The following DIP2C variants were observed in gnomAD, a reference collection of about 807,000 sequenced individuals.
The protein encoded by DIP2C is disco-interacting protein 2 homolog C.
A neutral mutation model predicts 192.4 loss-of-function variants in DIP2C; 33 were observed. The ratio of observed to expected loss-of-function variants is 0.17; its 90% CI spans 0.13 to 0.23. DIP2C has a LOEUF of 0.23. DIP2C is among the 10% of genes least tolerant of loss of function. The pLI is 1.00. For missense variants in DIP2C, 1,537 were observed against 2,110.1 expected (o/e 0.73, Z 5.32); for synonymous variants, 979 against 864.1 (o/e 1.13, Z -2.33).
At chr10:304,373 G>A (rs1956206246) in intron 32 of DIP2C, among the ~76,000 whole-genome samples, 1 of 152,128 alleles carries the variant, frequency 6.6e-6, no homozygotes, top group Admixed American at 6.5e-5. Context: ...GTCTGTCATT[G>A]ACAGAAACAG....
chr10:559,332 C>T (rs1183226214), intron 1 of DIP2C, among the ~76,000 whole-genome samples: 2 of 137,242 alleles, frequency 1.5e-5, no homozygotes, highest in African/African-American at 5.1e-5. Flanking sequence ...TGGGGAACGC[C>T]GGGGGAACGC....
chr10:326,739 G>T (rs564568018), intron 31 of DIP2C, among the ~76,000 whole-genome samples: 3 of 152,172 alleles, frequency 2.0e-5, no homozygotes, highest in African/African-American at 7.2e-5. Context: ...AACAGCAGAG[G>T]TCTGGACAAA....
chr10:303,781 C>T (rs1474778697), intron 32 of DIP2C, among the ~76,000 whole-genome samples: 2 of 152,200 alleles, frequency 1.3e-5, no homozygotes, highest in African/African-American at 4.8e-5. Context: ...CCTCAGCCTC[C>T]CAAAGTGCTG....
At chr10:598,468 G>A (rs1259193141) in intron 1 of DIP2C, among the ~76,000 whole-genome samples, 1 of 152,230 alleles carries the variant, frequency 6.6e-6, no homozygotes, top group Admixed American at 6.5e-5. Flanking sequence ...CATTTCCTGT[G>A]GGAAAGTCAG....
At chr10:415,656 A>C (rs1043501954) in intron 7 of DIP2C, 113 bp downstream of exon 7, 3 of 1,452,032 alleles carry the variant, frequency 2.1e-6, no homozygotes, top group African/African-American at 1.4e-5. Flanking sequence ...ATCATGCGGC[A>C]AATGCCACGA....
chr10:673,922 G>A (rs955626570), intron 1 of DIP2C, among the ~76,000 whole-genome samples: 4 of 152,220 alleles, frequency 2.6e-5, no homozygotes, highest in African/African-American at 9.7e-5. Context: ...ACCCATTACA[G>A]ATCATTGCTG....
intron 31 of DIP2C, chr10:324,640 T>A (rs1281854109): frequency 1.9e-5 from 4 of 215,134 alleles, no homozygotes; most frequent in Non-Finnish European, 3.8e-5. Context: ...GACCCATGAT[T>A]AGAATACTGA....
intron 3 of DIP2C, among the ~76,000 whole-genome samples, chr10:456,740 T>C (rs1223776897): frequency 6.6e-6 from 1 of 152,198 alleles, no homozygotes; most frequent in Non-Finnish European, 1.5e-5. Flanking sequence ...TTGTCTCCAC[T>C]ACATAGGGCC....
At chr10:470,428 G>A (rs1028858059) in intron 3 of DIP2C, among the ~76,000 whole-genome samples, 5 of 152,282 alleles carry the variant, frequency 3.3e-5, no homozygotes, top group African/African-American at 4.8e-5. Context: ...CCTCTGCCAT[G>A]TGCCTCTCTC....
intron 1 of DIP2C, among the ~76,000 whole-genome samples, chr10:678,776 T>C (rs1206419924): frequency 4.1e-4 from 17 of 40,996 alleles, no homozygotes; most frequent in Non-Finnish European, 5.8e-4. Flanking sequence ...TCCCCGCACC[T>C]GTCCTCCCTG....
intron 1 of DIP2C, among the ~76,000 whole-genome samples, chr10:640,735 G>GC (rs2131939008): frequency 1.7e-3 from 4 of 2,324 alleles, no homozygotes; most frequent in Admixed American, 0.016. Context: ...GGAAGAGGGT[G>GC]GGCGCCGGGA....
At chr10:565,755 G>T (rs1051843797) in intron 1 of DIP2C, among the ~76,000 whole-genome samples, 1 of 152,202 alleles carries the variant, frequency 6.6e-6, no homozygotes, top group African/African-American at 2.4e-5. Context: ...TTACAGTCGC[G>T]TAACGGAGTC....
chr10:284,883 A>G (rs1442105943), intron 34 of DIP2C, among the ~76,000 whole-genome samples: 1 of 152,210 alleles, frequency 6.6e-6, no homozygotes, highest in Non-Finnish European at 1.5e-5. Flanking sequence ...ATAAAGCGGA[A>G]AAAACACACA....
chr10:351,005 G>A (rs577637582), intron 24 of DIP2C, among the ~76,000 whole-genome samples: 64 of 151,620 alleles, frequency 4.2e-4, no homozygotes, highest in Non-Finnish European at 7.9e-4. Flanking sequence ...GGGATGGAGC[G>A]CGCGGCGGGC....
intron 9 of DIP2C, among the ~76,000 whole-genome samples, chr10:400,374 C>T (rs1372918145): frequency 2.6e-5 from 4 of 152,176 alleles, no homozygotes; most frequent in African/African-American, 9.7e-5. Flanking sequence ...TGACGAAGAA[C>T]AATTTTCCTT....
At chr10:528,735 C>T (rs1847205079) in intron 1 of DIP2C, among the ~76,000 whole-genome samples, 2 of 152,268 alleles carry the variant, frequency 1.3e-5, no homozygotes, top group Admixed American at 1.3e-4. Context: ...TACAACGGTG[C>T]AGTGTGCCCC....
At chr10:563,302 G>C (rs757802586) in intron 1 of DIP2C, among the ~76,000 whole-genome samples, 2 of 152,158 alleles carry the variant, frequency 1.3e-5, no homozygotes, top group Admixed American at 6.5e-5. Flanking sequence ...ACTGAAAGCA[G>C]CACGTATTTT....
At chr10:393,792 A>AAAAAAAG (rs1554841491) in intron 10 of DIP2C, among the ~76,000 whole-genome samples, 2 of 135,040 alleles carry the variant, frequency 1.5e-5, no homozygotes, top group African/African-American at 2.6e-5. Flanking sequence ...AAAAAAAAAA[A>AAAAAAAG]AAAAGAAAAA....
chr10:570,257 T>C (rs1304763058), intron 1 of DIP2C, among the ~76,000 whole-genome samples: 1 of 152,116 alleles, frequency 6.6e-6, no homozygotes, highest in Non-Finnish European at 1.5e-5. Flanking sequence ...TCATTTAAAC[T>C]TCACAGTGTC....
Sources: gnomAD v4.1 joint callset for allele counts (sites outside exome capture counted in the v4.1 genomes callset) on GRCh38, gnomAD v4.1.1 for gene constraint, MANE v1.5 for transcripts, NCBI Gene and HGNC (gene_info 2026-07-23, HGNC 2026-07-21) for gene names.